Variants in ADCY1 observed in about 807,000 individuals in gnomAD.
ADCY1 encodes adenylate cyclase type 1.
ADCY1 carries 28 observed loss-of-function variants against 105.4 expected under a neutral mutation model. The observed-to-expected ratio is 0.27, with a 90% CI of 0.20 to 0.36. The LOEUF is 0.36. Ranked by LOEUF, ADCY1 falls within the 10% of genes least tolerant of loss-of-function variation. The probability of loss-of-function intolerance (pLI) is 1.00; values close to 1 mark genes in which losing one functional copy is unlikely to be tolerated. For missense variants in ADCY1, 977 were observed against 1,434.2 expected (o/e 0.68, Z 5.15); for synonymous variants, 655 against 623.8 (o/e 1.05, Z -0.75).
intron 8 of ADCY1, among the ~76,000 whole-genome samples, chr7:45,667,170 T>G (rs1466471395): frequency 6.6e-6 from 1 of 152,212 alleles, no homozygotes; most frequent in Non-Finnish European, 1.5e-5. Context: ...GTGTTGCCAT[T>G]GCTTTTGGTG....
At chr7:45,619,139 T>A (rs1793821228) in intron 3 of ADCY1, among the ~76,000 whole-genome samples, 1 of 152,124 alleles carries the variant, frequency 6.6e-6, no homozygotes, top group African/African-American at 2.4e-5. Context: ...TAGTCTCACT[T>A]TTATATGGAA....
chr7:45,658,350 CCTT>C (rs1794995189), intron 6 of ADCY1, among the ~76,000 whole-genome samples: 2 of 152,326 alleles, frequency 1.3e-5, no homozygotes, highest in South Asian at 2.1e-4. Flanking sequence ...ACAGATGATG[CCTT>C]CTTTGAGCTC....
At chr7:45,664,062 GC>G (rs1384075910) in intron 8 of ADCY1, among the ~76,000 whole-genome samples, 8 of 152,140 alleles carry the variant, frequency 5.3e-5, no homozygotes, top group Non-Finnish European at 1.2e-4. Flanking sequence ...CACGATTCTT[GC>G]TGAAGACAGG....
intron 12 of ADCY1, among the ~76,000 whole-genome samples, chr7:45,685,418 T>C (rs1784646057): frequency 7.2e-6 from 1 of 138,450 alleles, no homozygotes; most frequent in African/African-American, 2.8e-5. Context: ...AGTGAAAGGA[T>C]GGAAGTGGGT....
chr7:45,604,759 T>G (rs1294678786), intron 2 of ADCY1, among the ~76,000 whole-genome samples: 3 of 152,242 alleles, frequency 2.0e-5, no homozygotes, highest in Non-Finnish European at 4.4e-5. Context: ...GTAAAGTGAT[T>G]TCTTTTACCT....
At position 45,625,342 on chromosome 7, in the gene ADCY1, A is replaced by C. The variant is rs117433119; in HGVS notation, c.1020+2599A>C. Among the ~76,000 whole-genome samples, 1,319 of 152,290 alleles carry C rather than the reference A, an allele frequency of 8.7e-3. 13 individuals carry two copies. The highest frequency in any genetic ancestry group is 0.014 in the Non-Finnish European group (944 of 68,020). On this transcript the variant is annotated intron_variant, in intron 4 of 19. Coordinates refer to ENST00000297323, the MANE Select transcript of ADCY1 (RefSeq NM_021116.4). ...GGATGCTGGCTTACATACTTTTATC[A>C]AGAAGAATGCACACACGCATCAGAG...
chr7:45,627,871 C>T (rs1364186857), intron 4 of ADCY1, among the ~76,000 whole-genome samples: 1 of 152,176 alleles, frequency 6.6e-6, no homozygotes, highest in Non-Finnish European at 1.5e-5. Flanking sequence ...ATCTGCAGAG[C>T]AAGCACAAGT....
At position 45,686,424 on chromosome 7, in the gene ADCY1, C is replaced by G. The variant is rs1055317675; in HGVS notation, c.2328-123C>G. The G allele has an allele frequency of 1.4e-6, 2 of 1,462,990 alleles. No individual in the cohort carries two copies. Among genetic ancestry groups the G allele is most frequent in the African/African-American group, 2.8e-5 (2 of 70,770 alleles). The allele number at this position is 1,462,990 out of a possible 1,614,324, so 90.6% of individuals were successfully genotyped here. A position where few individuals can be genotyped will look rare whatever the true frequency, so the allele number is the denominator to read the frequency against. On this transcript the variant is annotated intron_variant, in intron 13 of 19. Transcript: ENST00000297323. This position sits in a 1 kb window ranked among gnomAD's most constrained non-coding sequence, Gnocchi z 4.3. ...AAGTGATTCTTGGCCAAGGTCAATC[C>G]CAGCAAGCTGTTTTTGGGTGTCACC... is the stretch of plus-strand genomic sequence containing the variant.
chr7:45,625,468 TGTGAGCATGCATGTGCACAC>T, intron 4 of ADCY1, among the ~76,000 whole-genome samples: 1 of 152,034 alleles, frequency 6.6e-6, no homozygotes, highest in East Asian at 1.9e-4. Context: ...TGTGCACATA[TGTGAGCATGCATGTGCACAC>T]GTGTGTACAC....
intron 4 of ADCY1, among the ~76,000 whole-genome samples, chr7:45,631,212 A>G (rs1489229415): frequency 6.6e-6 from 1 of 152,206 alleles, no homozygotes; most frequent in Admixed American, 6.5e-5. Flanking sequence ...TAACATAAAG[A>G]TATGATAAAC....
chr7:45,664,825 C>T (rs1206673518), intron 8 of ADCY1, among the ~76,000 whole-genome samples: 3 of 152,060 alleles, frequency 2.0e-5, no homozygotes, highest in African/African-American at 7.2e-5. Context: ...AGGTTTGTTA[C>T]ATAGGTATAC....
chr7:45,677,031 A>C (rs566124243), intron 8 of ADCY1, among the ~76,000 whole-genome samples: 2 of 151,950 alleles, frequency 1.3e-5, no homozygotes, highest in African/African-American at 4.8e-5. Context: ...GTCTGGGATA[A>C]ATAAGGCAGA....
intron 2 of ADCY1, among the ~76,000 whole-genome samples, chr7:45,603,401 T>C (rs1450840087): frequency 6.6e-6 from 1 of 152,252 alleles, no homozygotes; most frequent in Non-Finnish European, 1.5e-5. Context: ...CCAAAGTGGC[T>C]GCACCATTTT....
At chr7:45,611,001 AGGTGGTGGTGGAGGTG>A (rs2115871520) in intron 3 of ADCY1, among the ~76,000 whole-genome samples, 1 of 132,232 alleles carries the variant, frequency 7.6e-6, no homozygotes, top group East Asian at 2.5e-4. Context: ...GGAAGTGTGG[AGGTGGTGGTGGAGGTG>A]TGGAGGTGAT....
chr7:45,636,072 C>T (rs1186057837), intron 4 of ADCY1, among the ~76,000 whole-genome samples: 2 of 151,838 alleles, frequency 1.3e-5, no homozygotes, highest in East Asian at 1.9e-4. Context: ...TAAGAAATGA[C>T]CTTCTTTATT....
chr7:45,702,276 A>G (rs2116255931), intron 14 of ADCY1, among the ~76,000 whole-genome samples: 1 of 152,244 alleles, frequency 6.6e-6, no homozygotes, highest in East Asian at 1.9e-4. Context: ...GTTAAGTACA[A>G]CCCTACAAGT....
rs1792316890 is a variant in ADCY1, at chr7:45,575,626, G to A, written c.639+444G>A. On this transcript the variant is annotated intron_variant, in intron 1 of 19. Transcript: ENST00000297323. This position sits in a 1 kb window ranked among gnomAD's most constrained non-coding sequence, Gnocchi z 4.7. ...TGGGCTCTTCCCCTGCGCACCTAGAGCGCGTGCTGGGCTCGCCTCCCAACC... is the reference window on the plus strand; with the variant it reads ...TGGGCTCTTCCCCTGCGCACCTAGAACGCGTGCTGGGCTCGCCTCCCAACC... Among the ~76,000 whole-genome samples, 1 of 152,252 alleles carries A rather than the reference G, an allele frequency of 6.6e-6. No individual in the cohort carries two copies. Among genetic ancestry groups the A allele is most frequent in the African/African-American group, 2.4e-5 (1 of 41,474 alleles).
At chr7:45,606,617 G>A (rs527751319) in intron 2 of ADCY1, among the ~76,000 whole-genome samples, 7 of 152,264 alleles carry the variant, frequency 4.6e-5, no homozygotes, top group African/African-American at 1.7e-4. Flanking sequence ...GTTGTTTGAT[G>A]TGTAACATCC....
At chr7:45,653,115 C>T (rs968611191) in intron 5 of ADCY1, among the ~76,000 whole-genome samples, 1 of 152,164 alleles carries the variant, frequency 6.6e-6, no homozygotes, top group Non-Finnish European at 1.5e-5. Flanking sequence ...CCAGGTGGTT[C>T]CTGTCTATAG....
Sources: allele counts gnomAD v4.1 joint callset (sites outside exome capture counted in the v4.1 genomes callset), GRCh38; gene constraint gnomAD v4.1.1; non-coding constraint Gnocchi (gnomAD v3.1); transcripts MANE v1.5; gene names NCBI Gene and HGNC (gene_info 2026-07-23, HGNC 2026-07-21).